Variants in CTRL observed in about 807,000 individuals in gnomAD.
CTRL encodes chymotrypsin like.
A neutral mutation model predicts 35.5 loss-of-function variants in CTRL; 38 were observed. That is an observed-to-expected ratio of 1.07 (90% confidence interval 0.83 to 1.40). The LOEUF (loss-of-function observed/expected upper bound fraction) is 1.40, where lower values mean the gene tolerates loss of function less well. CTRL is among the 40% of genes most tolerant of loss of function. The probability of loss-of-function intolerance (pLI) is 0.00; values close to 1 mark genes in which losing one functional copy is unlikely to be tolerated. For synonymous variants in CTRL, 155 were observed against 141.1 expected (o/e 1.10, Z -0.70); for missense variants, 327 against 342.9 (o/e 0.95, Z 0.37).
In CTRL at chr16:67,930,833, T is replaced by G. The variant is rs377021002; in HGVS notation, c.237-26A>C. 12 of 1,612,964 alleles carry G rather than the reference T, an allele frequency of 7.4e-6. No individual in the cohort carries two copies. The South Asian group carries it at 1.3e-4, about 18-fold the overall frequency. On this transcript the variant is annotated intron_variant, in intron 3 of 6. Transcript: ENST00000574481. The surrounding 1 kb of genome is among the most constrained non-coding windows in gnomAD (Gnocchi z 4.3). ...CTGCAAGGGGGTGGGATTAGGCAGC[T>G]GCAGGGAGGCCAGCGCGAGAGGGGG...
chr16:67,931,248 C>G lies in CTRL; in HGVS notation c.53-47G>C, dbSNP rs199920964. The G allele has an allele frequency of 5.7e-5, 91 of 1,595,598 alleles. No homozygotes were observed. In the African/African-American group the frequency reaches 1.1e-3, roughly 20 times the overall value. On this transcript the variant is annotated intron_variant, in intron 1 of 6. Coordinates refer to ENST00000574481, the MANE Select transcript of CTRL (RefSeq NM_001907.3). ...ACCTGCTTCCCATGCCTCAGCCCAT[C>G]TTTCCCCACCTCCTTTTGGGTGCCC...
chr16:67,930,281 C>A lies in CTRL; in HGVS notation c.537G>T (p.Leu179Phe). 6.2e-7 allele frequency: 1 copy of A among 1,614,004 alleles called. No individual in the cohort carries two copies. The highest frequency in any genetic ancestry group is 8.5e-7 in the Non-Finnish European group (1 of 1,179,976). ...GGCACTGATTCACAGTGACCAGGGG[C>A]AAAGCCACCTGCTGCAGATGTGCTG... ...VTPAHLQQVA[L>F]PLVTVNQCRQ... is the part of the protein sequence containing the mutation. The change falls in exon 6 of 7, where the codon TTG becomes TTT. Residue 179 changes from leucine (L) to phenylalanine (F), a missense_variant. Leu to Phe is a conservative substitution (Grantham distance 22). Coordinates refer to ENST00000574481, the MANE Select transcript of CTRL (RefSeq NM_001907.3). The surrounding 1 kb of genome is among the most constrained non-coding windows in gnomAD (Gnocchi z 4.3).
At position 67,930,328 on chromosome 16, in the gene CTRL, A is replaced by G. The variant is rs1187204442; in HGVS notation, c.500-10T>C. 1.9e-6 allele frequency: 3 copies of G among 1,613,724 alleles called. No homozygotes were observed. The highest frequency in any genetic ancestry group is 2.5e-6 in the Non-Finnish European group (3 of 1,179,860). On this transcript the variant is annotated splice_polypyrimidine_tract_variant and intron_variant, in intron 5 of 6. Transcript: ENST00000574481. The surrounding 1 kb of genome is among the most constrained non-coding windows in gnomAD (Gnocchi z 4.3). ...GCTGGTGTCACATTGCCTGTGGGCCAGGAGGGGTGGTCACATGGGGCCCAG... is the reference window on the plus strand; with the variant it reads ...GCTGGTGTCACATTGCCTGTGGGCCGGGAGGGGTGGTCACATGGGGCCCAG...
chr16:67,931,026 T>G (rs1598197477), intron 2 of CTRL, 27 bp from the exon 3 acceptor site: 1 of 1,613,434 alleles, frequency 6.2e-7, no homozygotes, highest in Non-Finnish European at 8.5e-7. Flanking sequence ...GAGGTCAGAG[T>G]GGGGGTGGGC....
rs1408866759 is a variant in CTRL, at chr16:67,930,743, C to T, written c.301G>A (p.Val101Ile). ...GCACTCACCCGAGAGACGGACAGAA[C>T]CTGCAAGGGCTCTGCGTTTGATGAT... ...DRSSNAEPLQ[V>I]LSVSRAITHP... Residue 101 changes from valine (V) to isoleucine (I), a missense_variant, in exon 4 of 7, where the codon GTT becomes ATT. Physicochemically the swap from Val to Ile is conservative, Grantham distance 29 (BLOSUM62 3). Coordinates refer to ENST00000574481, the MANE Select transcript of CTRL (RefSeq NM_001907.3). This position sits in a 1 kb window ranked among gnomAD's most constrained non-coding sequence, Gnocchi z 4.3. 3.1e-6 allele frequency: 5 copies of T among 1,614,064 alleles called. No homozygotes were observed. Among genetic ancestry groups the T allele is most frequent in the Non-Finnish European group, 4.2e-6 (5 of 1,179,952 alleles).
chr16:67,930,955 C>T lies in CTRL; in HGVS notation c.201G>A (p.Gln67=). ...AGTGGGCAGCAGTGACCACCCAGGA[C>T]TGGCTGATGAGAGAACCACCGCAGA... ...FHFCGGSLIS[Q]SWVVTAAHCN... The change falls in exon 3 of 7, where the codon CAG becomes CAA. Residue 67 remains glutamine, a synonymous_variant. Transcript: ENST00000574481. This position sits in a 1 kb window ranked among gnomAD's most constrained non-coding sequence, Gnocchi z 4.3. 6.2e-7 allele frequency: 1 copy of T among 1,613,816 alleles called. No homozygotes were observed. The highest frequency in any genetic ancestry group is 8.5e-7 in the Non-Finnish European group (1 of 1,180,006).
Position 67,931,171 on chromosome 16 carries a change from A to G in CTRL, c.83T>C (p.Leu28Pro), listed in dbSNP as rs774162312. Residue 28 changes from leucine to proline, a missense_variant, in exon 2 of 7, where the codon CTG (leucine) becomes CCG (proline). Coordinates refer to ENST00000574481, the MANE Select transcript of CTRL (RefSeq NM_001907.3). ...GCGIPAIKPA[L>P]SFSQRIVNGE... ...GTTGACAATCCTCTGGCTGAAGCTC[A>G]GTGCCGGTTTGATGGCAGGAATGCC... 7 of 1,614,002 alleles carry G rather than the reference A, an allele frequency of 4.3e-6. No individual in the cohort carries two copies. Among genetic ancestry groups the G allele is most frequent in the Non-Finnish European group, 5.9e-6 (7 of 1,180,012 alleles).
Position 67,930,719 on chromosome 16 carries a change from C to T in CTRL, c.318+7G>A, listed in dbSNP as rs562133895. 1 of 1,613,748 alleles carries T rather than the reference C, an allele frequency of 6.2e-7. No homozygotes were observed. The highest frequency in any genetic ancestry group is 1.7e-5 in the Admixed American group (1 of 60,010). On this transcript the variant is annotated splice_region_variant and intron_variant, in intron 4 of 6. Transcript: ENST00000574481. The surrounding 1 kb of genome is among the most constrained non-coding windows in gnomAD (Gnocchi z 4.3). ...TTTTCCTCCGTGTCTGCAGCCCAGG[C>T]ACTCACCCGAGAGACGGACAGAACC...
rs2058238746 is a variant in CTRL, at chr16:67,931,016, G to T, written c.157-17C>A. ...GCTGCTGTCCTGTGGTCAGGGCTCA[G>T]AGGTCAGAGTGGGGGTGGGCTGCTG... On this transcript the variant is annotated splice_polypyrimidine_tract_variant and intron_variant, in intron 2 of 6. Coordinates refer to ENST00000574481, the MANE Select transcript of CTRL (RefSeq NM_001907.3). The T allele has an allele frequency of 6.2e-7, 1 of 1,613,964 alleles. No individual in the cohort carries two copies. The highest frequency in any genetic ancestry group is 2.2e-5 in the East Asian group (1 of 44,874).
Position 67,930,547 on chromosome 16 carries a change from A to C in CTRL, c.360T>G (p.Asn120Lys). The C allele has an allele frequency of 5.6e-6, 9 of 1,614,074 alleles. No individual in the cohort carries two copies. The highest frequency in any genetic ancestry group is 7.6e-6 in the Non-Finnish European group (9 of 1,180,004). The part of the protein sequence containing the change: ...HPSWNSTTMN[N>K]DVTLLKLASP... ...AGGCGAGCTTCAGCAGCGTCACGTC[A>C]TTGTTCATGGTGGTAGAGTTCCAGC... The change falls in exon 5 of 7, where the codon AAT becomes AAG. Residue 120 changes from asparagine to lysine, a missense_variant. Coordinates refer to ENST00000574481, the MANE Select transcript of CTRL (RefSeq NM_001907.3). The surrounding 1 kb of genome is among the most constrained non-coding windows in gnomAD (Gnocchi z 4.3).
intron 1 of CTRL, chr16:67,931,420 G>C: frequency 1.6e-6 from 1 of 611,586 alleles, no homozygotes; most frequent in Non-Finnish European, 2.9e-6. Flanking sequence ...TCCTACATCT[G>C]TCTCCAGCCT....
Position 67,930,043 on chromosome 16 carries a change from A to G in CTRL, c.686T>C (p.Ile229Thr), listed in dbSNP as rs2058233104. 2 of 1,614,050 alleles carry G rather than the reference A, an allele frequency of 1.2e-6. No homozygotes were observed. Among genetic ancestry groups the G allele is most frequent in the Admixed American group, 1.7e-5 (1 of 60,006 alleles). ...TTTGGTGCCCCAGGAGACAATACCA[A>G]TAAGCACCCATGTGTTTCCCTTCTG... ...VCQKGNTWVL[I>T]GIVSWGTKNC... The change falls in exon 7 of 7, where the codon ATT becomes ACT. Residue 229 changes from isoleucine (I) to threonine (T), a missense_variant. Physicochemically the swap from Ile to Thr is moderately conservative, Grantham distance 89. Transcript: ENST00000574481. The surrounding 1 kb of genome is among the most constrained non-coding windows in gnomAD (Gnocchi z 4.3).
rs1341950152 is a variant in CTRL at position 67,930,968 on chromosome 16, G to A, written c.188C>T (p.Ser63Phe). ...GACCACCCAGGACTGGCTGATGAGA[G>A]AACCACCGCAGAAGTGGAAGCCGCT... ...DSSGFHFCGG[S>F]LISQSWVVTA... is the part of the protein sequence containing the mutation. The change falls in exon 3 of 7, where the codon TCT becomes TTT. Residue 63 changes from serine (S) to phenylalanine (F), a missense_variant. Ser to Phe is a radical substitution (Grantham distance 155). Coordinates refer to ENST00000574481, the MANE Select transcript of CTRL (RefSeq NM_001907.3). The surrounding 1 kb of genome is among the most constrained non-coding windows in gnomAD (Gnocchi z 4.3). The A allele has an allele frequency of 6.2e-7, 1 of 1,613,912 alleles. No individual in the cohort carries two copies. The highest frequency in any genetic ancestry group is 2.2e-5 in the East Asian group (1 of 44,884).
In CTRL at chr16:67,929,912, C is replaced by T. The variant is rs768283680; in HGVS notation, c.*22G>A. The T allele has an allele frequency of 6.2e-7, 1 of 1,609,770 alleles. No homozygotes were observed. ...GGGCCTGGGTCTTTAATGGGTTGAG[C>T]TGGGGAGGGCCTGTGGTGAGCTCAG... On this transcript the variant is annotated 3_prime_UTR_variant, in exon 7 of 7. Transcript: ENST00000574481.
Position 67,930,131 on chromosome 16 carries a change from G to A in CTRL, c.634-36C>T. ...AGAGGGAGGGAGAATTGAGTAGGGG[G>A]GGTTGGGGAGGTATACCACAGGACA... On this transcript the variant is annotated intron_variant, in intron 6 of 6. Transcript: ENST00000574481. The surrounding 1 kb of genome is among the most constrained non-coding windows in gnomAD (Gnocchi z 4.3). 1.2e-6 allele frequency: 2 copies of A among 1,613,764 alleles called. No individual in the cohort carries two copies. Among genetic ancestry groups the A allele is most frequent in the Non-Finnish European group, 1.7e-6 (2 of 1,179,710 alleles).
chr16:67,929,905 G>C lies in CTRL; in HGVS notation c.*29C>G. ...TGGGACAGGGCCTGGGTCTTTAATG[G>C]GTTGAGCTGGGGAGGGCCTGTGGTG... On this transcript the variant is annotated 3_prime_UTR_variant, in exon 7 of 7. Coordinates refer to ENST00000574481, the MANE Select transcript of CTRL (RefSeq NM_001907.3). 6.2e-7 allele frequency: 1 copy of C among 1,607,330 alleles called. No individual in the cohort carries two copies. The highest frequency in any genetic ancestry group is 8.5e-7 in the Non-Finnish European group (1 of 1,174,668).
rs200353482 is a variant in CTRL at position 67,930,581 on chromosome 16, G to A, written c.326C>T (p.Thr109Ile). 5 of 1,614,026 alleles carry A rather than the reference G, an allele frequency of 3.1e-6. No homozygotes were observed. In the African/African-American group the frequency reaches 4.0e-5, roughly 13 times the overall value. Reference sequence around the variant, plus strand: ...GGTGGTAGAGTTCCAGCTAGGGTGTGTAATGGCCTGTGGGGTCAGAAACAG... The same window carrying A: ...GGTGGTAGAGTTCCAGCTAGGGTGTATAATGGCCTGTGGGGTCAGAAACAG... ...LQVLSVSRAI[T>I]HPSWNSTTMN... is the part of the protein sequence containing the mutation. The change falls in exon 5 of 7, where the codon ACA becomes ATA. Residue 109 changes from threonine (T) to isoleucine (I), a missense_variant. Transcript: ENST00000574481. The surrounding 1 kb of genome is among the most constrained non-coding windows in gnomAD (Gnocchi z 4.3).
chr16:67,931,788 C>T lies in CTRL; in HGVS notation c.52+13G>A, dbSNP rs1163746462. On this transcript the variant is annotated intron_variant, in intron 1 of 6. Transcript: ENST00000574481. ...TCCCAGGGCTGAATCAGGGCTGGTCCTGGCCCACTCACCCCAGGAGGAGCC... is the reference window on the plus strand; with the variant it reads ...TCCCAGGGCTGAATCAGGGCTGGTCTTGGCCCACTCACCCCAGGAGGAGCC... 3 of 1,560,576 alleles carry T rather than the reference C, an allele frequency of 1.9e-6. No individual in the cohort carries two copies. Among genetic ancestry groups the T allele is most frequent in the African/African-American group, 2.7e-5 (2 of 73,550 alleles).
In CTRL at chr16:67,930,621, G is replaced by A. The variant is rs774967341; in HGVS notation, c.319-33C>T. On this transcript the variant is annotated intron_variant, in intron 4 of 6. Transcript: ENST00000574481. This position sits in a 1 kb window ranked among gnomAD's most constrained non-coding sequence, Gnocchi z 4.3. The stretch of plus-strand genomic sequence containing the variant: ...GTCAGAAACAGTCCATGTTCTGATG[G>A]GTGCTGAGCAGGGTAGGCCAGGGCA... 9.3e-6 allele frequency: 15 copies of A among 1,608,784 alleles called. No individual in the cohort carries two copies. The highest frequency in any genetic ancestry group is 1.3e-5 in the Non-Finnish European group (15 of 1,175,482).
Sources: allele counts gnomAD v4.1 joint callset, GRCh38; gene constraint gnomAD v4.1.1; non-coding constraint Gnocchi (gnomAD v3.1); transcripts MANE v1.5; gene names NCBI Gene and HGNC (gene_info 2026-07-23, HGNC 2026-07-21).